Variants in WFDC10B observed in about 807,000 individuals in gnomAD.
WFDC10B encodes the protein WAP four-disulfide core domain 10B.
WFDC10B carries 1 observed loss-of-function variant against 2.7 expected under a neutral mutation model. The ratio of observed to expected loss-of-function variants is 0.38; its 90% confidence interval spans 0.13 to 1.79. The LOEUF (loss-of-function observed/expected upper bound fraction) is 1.79. WFDC10B is among the 40% of genes most tolerant of loss of function. The pLI is 0.33. For synonymous variants in WFDC10B, 26 were observed against 32.2 expected, an observed-to-expected ratio of 0.81 and a Z score of 0.65; for missense variants, 71 against 87.8, an observed-to-expected ratio of 0.81 and a Z score of 0.76.
At chr20:45,702,551 G>A (rs972754088) in intron 2 of WFDC10B, among the ~76,000 whole-genome samples, 1 of 152,144 alleles carries the variant, frequency 6.6e-6, no homozygotes, top group African/African-American at 2.4e-5. Context: ...CTTGCTGCCC[G>A]TGGCTCCTTC....
chr20:45,704,869 C>T, intron 1 of WFDC10B, 49 bp downstream of exon 1: 2 of 1,588,934 alleles, frequency 1.3e-6, no homozygotes, highest in Non-Finnish European at 1.7e-6. Flanking sequence ...CCTTTATCCA[C>T]AGACCTTCCC....
Position 45,704,970 on chromosome 20 carries a change from C to A in WFDC10B, c.-182G>T. 1 of 1,614,136 alleles carries A rather than the reference C, an allele frequency of 6.2e-7. No homozygotes were observed. The highest frequency in any genetic ancestry group is 8.5e-7 in the Non-Finnish European group (1 of 1,180,024). ...AAAATTTGTCCTACACTTTTGCTTG[C>A]CCTCCTTTCACAAGACACCATCCTT... On this transcript the variant is annotated 5_prime_UTR_variant, in exon 1 of 4. Transcript: ENST00000330523.
chr20:45,698,795 T>C (rs1166329135), intron 2 of WFDC10B, among the ~76,000 whole-genome samples: 1 of 151,840 alleles, frequency 6.6e-6, no homozygotes, highest in African/African-American at 2.4e-5. Context: ...GGTGAAACCC[T>C]GTCTCTACTA....
chr20:45,692,003 C>T (rs1159807296), intron 2 of WFDC10B, among the ~76,000 whole-genome samples: 1 of 152,082 alleles, frequency 6.6e-6, no homozygotes, highest in Non-Finnish European at 1.5e-5. Flanking sequence ...TTTAGTGCTT[C>T]CTTCAGGAGC....
Position 45,684,706 on chromosome 20 carries a change from G to A in WFDC10B, c.*124C>T, listed in dbSNP as rs915180553. On this transcript the variant is annotated 3_prime_UTR_variant, in exon 4 of 4. Coordinates refer to ENST00000330523, the MANE Select transcript of WFDC10B (RefSeq NM_172006.2). ...AGGGACAGGGAGTTCAGACACTGGG[G>A]AGGGTGGCATTCCTGTTGATGTTCT... The A allele has an allele frequency of 6.1e-6, 8 of 1,318,982 alleles. No homozygotes were observed. Among genetic ancestry groups the A allele is most frequent in the Non-Finnish European group, 7.4e-6 (7 of 951,454 alleles). The allele number at this position is 1,318,982 out of a possible 1,614,324, so 81.7% of individuals were successfully genotyped here.
At chr20:45,695,377 T>C (rs1983946992) in intron 2 of WFDC10B, among the ~76,000 whole-genome samples, 1 of 152,098 alleles carries the variant, frequency 6.6e-6, no homozygotes, top group African/African-American at 2.4e-5. Context: ...GAATAGAACA[T>C]GTAGACAGAA....
chr20:45,695,297 C>T (rs1360751409), intron 2 of WFDC10B, among the ~76,000 whole-genome samples: 1 of 152,138 alleles, frequency 6.6e-6, no homozygotes, highest in Non-Finnish European at 1.5e-5. Flanking sequence ...TTGGAACACC[C>T]AGTTGGTGTC....
At chr20:45,685,460 G>T (rs1488172375) in intron 3 of WFDC10B, among the ~76,000 whole-genome samples, 1 of 151,872 alleles carries the variant, frequency 6.6e-6, no homozygotes, top group Admixed American at 6.6e-5. Flanking sequence ...ACTTAACTTT[G>T]CCCTGTATAC....
intron 2 of WFDC10B, chr20:45,701,892 G>C: frequency 2.0e-6 from 1 of 496,240 alleles, no homozygotes; most frequent in Non-Finnish European, 3.6e-6. Context: ...GAGATAGCAA[G>C]GTCAAGATTA....
At chr20:45,704,588 G>C (rs142436120) in intron 1 of WFDC10B, 27 bp from the exon 2 acceptor site, 1 of 1,613,756 alleles carries the variant, frequency 6.2e-7, no homozygotes, top group African/African-American at 1.3e-5. Context: ...TTTCAAAAGC[G>C]CAACAGGTAA....
At chr20:45,702,001 CGG>C (rs1984181853) in intron 2 of WFDC10B, 3 of 835,062 alleles carry the variant, frequency 3.6e-6, no homozygotes, top group Non-Finnish European at 5.8e-6. Context: ...TTGGAGTACA[CGG>C]TGAAAGGCTA....
intron 2 of WFDC10B, chr20:45,701,914 G>A (rs954434716): frequency 5.3e-5 from 29 of 551,828 alleles, no homozygotes; most frequent in Non-Finnish European, 7.5e-5. Context: ...GGGAATAAAG[G>A]AGGATATGAA....
chr20:45,687,426 G>A (rs1188547074), intron 2 of WFDC10B, among the ~76,000 whole-genome samples: 2 of 152,078 alleles, frequency 1.3e-5, no homozygotes, highest in East Asian at 1.9e-4. Context: ...TGGGCTTTTG[G>A]GTTAATTTCA....
intron 2 of WFDC10B, among the ~76,000 whole-genome samples, chr20:45,696,382 A>AAGGAAGGAAATAATAAACATGT (rs1046692854): frequency 3.3e-5 from 5 of 152,010 alleles, no homozygotes; most frequent in Admixed American, 6.6e-5. Flanking sequence ...AAGCTAGCAG[A>AAGGAAGGAAATAATAAACATGT]AGGAAGGAAA....
chr20:45,691,355 G>T (rs1006364858), intron 2 of WFDC10B, among the ~76,000 whole-genome samples: 64 of 151,216 alleles, frequency 4.2e-4, no homozygotes, highest in Admixed American at 2.3e-3. Context: ...TATTAGGTCC[G>T]CTTGGTGCAG....
intron 1 of WFDC10B, 33 bp downstream of exon 1, chr20:45,704,885 C>G: frequency 1.2e-6 from 2 of 1,609,056 alleles, no homozygotes; most frequent in Non-Finnish European, 1.7e-6. Flanking sequence ...TTCCCCCGAC[C>G]CAGAATCCAC....
chr20:45,685,128 A>G (rs1983565710), intron 3 of WFDC10B, among the ~76,000 whole-genome samples, 168 bp from the exon 4 acceptor site: 1 of 152,038 alleles, frequency 6.6e-6, no homozygotes, highest in African/African-American at 2.4e-5. Flanking sequence ...AGTGATTGGC[A>G]GTATCTTAAA....
chr20:45,704,133 T>C (rs1984288769), intron 2 of WFDC10B, among the ~76,000 whole-genome samples: 1 of 152,224 alleles, frequency 6.6e-6, no homozygotes, highest in South Asian at 2.1e-4. Context: ...ACATACACCA[T>C]TGATACCCTT....
At chr20:45,704,299 A>C in intron 2 of WFDC10B, 198 bp downstream of exon 2, 1 of 1,050,258 alleles carries the variant, frequency 9.5e-7, no homozygotes, top group Non-Finnish European at 1.3e-6. Context: ...GCAGCAGCTG[A>C]GGACAAAACC....
Sources: gnomAD v4.1 joint callset for allele counts (sites outside exome capture counted in the v4.1 genomes callset) on GRCh38, gnomAD v4.1.1 for gene constraint, MANE v1.5 for transcripts, NCBI Gene and HGNC (gene_info 2026-07-23, HGNC 2026-07-21) for gene names.